The following MACROD2 variants were observed in gnomAD, a reference collection of about 807,000 sequenced individuals.
MACROD2 encodes the protein mono-ADP ribosylhydrolase 2.
Under a neutral mutation model 70.4 loss-of-function variants are expected in MACROD2, and 36 were observed. That is an observed-to-expected ratio of 0.51 (90% confidence interval 0.39 to 0.68). MACROD2 has a LOEUF of 0.68. MACROD2 is among the 30% of genes least tolerant of loss of function. The pLI is 0.00. For synonymous variants in MACROD2, 172 were observed against 178.8 expected (o/e 0.96, Z 0.30); for missense variants, 496 against 538.4 (o/e 0.92, Z 0.78).
At chr20:14,479,755 G>A (rs1201702860) in intron 3 of MACROD2, among the ~76,000 whole-genome samples, 2 of 151,822 alleles carry the variant, frequency 1.3e-5, no homozygotes, top group East Asian at 1.9e-4. Flanking sequence ...ATAGAATATC[G>A]TAATCTCTCA....
intron 5 of MACROD2, among the ~76,000 whole-genome samples, chr20:14,736,906 A>G (rs6514532): frequency 0.41 from 62,191 of 152,028 alleles, 13,998 homozygotes; most frequent in Non-Finnish European, 0.51. Context: ...TTATTAGAAG[A>G]TGTTAAGAAA....
chr20:14,312,926 A>T (rs189765730), intron 3 of MACROD2, among the ~76,000 whole-genome samples: 5 of 152,350 alleles, frequency 3.3e-5, no homozygotes, highest in African/African-American at 9.6e-5. Context: ...GAAAACACTC[A>T]TACTTGTCAT....
chr20:14,092,724 C>T (rs767639871), intron 3 of MACROD2, among the ~76,000 whole-genome samples: 2 of 152,128 alleles, frequency 1.3e-5, no homozygotes, highest in Admixed American at 1.3e-4. Flanking sequence ...TAAGATCAGA[C>T]AGATGTTGTA....
chr20:15,204,936 T>A (rs2076688918), intron 5 of MACROD2, among the ~76,000 whole-genome samples: 1 of 152,064 alleles, frequency 6.6e-6, no homozygotes, highest in East Asian at 1.9e-4. Context: ...ATCATTTGCA[T>A]GTAGGGAATA....
At chr20:14,813,670 G>A (rs748170134) in intron 5 of MACROD2, among the ~76,000 whole-genome samples, 1 of 151,974 alleles carries the variant, frequency 6.6e-6, no homozygotes. Flanking sequence ...GGGGTGTGGA[G>A]TTTCCATGCC....
At chr20:14,049,123 A>C (rs905122880) in intron 2 of MACROD2, among the ~76,000 whole-genome samples, 2 of 149,770 alleles carry the variant, frequency 1.3e-5, no homozygotes, top group Admixed American at 6.8e-5. Context: ...CCAACAATCA[A>C]CTCACCCAAA....
At chr20:15,631,850 AC>A (rs2049295819) in intron 8 of MACROD2, among the ~76,000 whole-genome samples, 1 of 152,166 alleles carries the variant, frequency 6.6e-6, no homozygotes, top group Non-Finnish European at 1.5e-5. Flanking sequence ...GATTTTGAAA[AC>A]AGTCAGCTGG....
In MACROD2 at chr20:14,629,613, G is replaced by T. The variant is rs184190273; in HGVS notation, c.302-55230G>T. 2.7e-3 allele frequency among the ~76,000 whole-genome samples: 415 copies of T among 152,268 alleles called. 7 individuals carry two copies. The highest frequency in any genetic ancestry group is 1.1e-3 in the Non-Finnish European group (73 of 68,018). On this transcript the variant is annotated intron_variant, in intron 4 of 17. Transcript: ENST00000684519. Reference sequence around the variant, plus strand: ...TAATGATTGTGAAGCTGTAGGAAAGGTGGCTTTCCCAAGTCTTGAGTGACT... The same window carrying T: ...TAATGATTGTGAAGCTGTAGGAAAGTTGGCTTTCCCAAGTCTTGAGTGACT...
At chr20:14,515,593 A>C (rs1337533987) in intron 4 of MACROD2, among the ~76,000 whole-genome samples, 1 of 152,030 alleles carries the variant, frequency 6.6e-6, no homozygotes, top group Non-Finnish European at 1.5e-5. Flanking sequence ...GCTAAATGAA[A>C]TAAGCCAGGC....
chr20:15,346,596 T>A (rs1403476907), intron 6 of MACROD2, among the ~76,000 whole-genome samples: 1 of 152,134 alleles, frequency 6.6e-6, no homozygotes, highest in Non-Finnish European at 1.5e-5. Context: ...AAGGAATGTG[T>A]GTGCCGGGGG....
intron 5 of MACROD2, among the ~76,000 whole-genome samples, chr20:14,730,756 A>G (rs1386570084): frequency 6.6e-6 from 1 of 152,132 alleles, no homozygotes; most frequent in Non-Finnish European, 1.5e-5. Flanking sequence ...CAATAATAGC[A>G]TCCGTTCATA....
intron 5 of MACROD2, among the ~76,000 whole-genome samples, chr20:15,194,702 A>G (rs1568628211): frequency 6.6e-6 from 1 of 152,296 alleles, no homozygotes; most frequent in East Asian, 1.9e-4. Flanking sequence ...CATGAAATTA[A>G]CATTGATTAA....
chr20:15,159,170 G>T (rs570938110), intron 5 of MACROD2, among the ~76,000 whole-genome samples: 1 of 151,932 alleles, frequency 6.6e-6, no homozygotes, highest in East Asian at 1.9e-4. Context: ...TTCTTTTCTA[G>T]AATCTCATTT....
Position 15,021,400 on chromosome 20 carries a change from A to G in MACROD2, c.419-208540A>G, listed in dbSNP as rs1469079515. ...CGCAGTCTTCTGTATATATACATAT[A>G]TGTGTATATGTATATGCATATAGTC... On this transcript the variant is annotated intron_variant, in intron 5 of 17. Transcript: ENST00000684519. Among the ~76,000 whole-genome samples, 3 of 148,838 alleles carry G rather than the reference A, an allele frequency of 2.0e-5. No homozygotes were observed. In the East Asian group the frequency reaches 6.1e-4, roughly 30 times the overall value.
chr20:15,210,578 T>C (rs940380912), intron 5 of MACROD2, among the ~76,000 whole-genome samples: 4 of 151,654 alleles, frequency 2.6e-5, no homozygotes, highest in Non-Finnish European at 2.9e-5. Context: ...TTGGTTTATT[T>C]TGTTTAGCTT....
intron 2 of MACROD2, among the ~76,000 whole-genome samples, chr20:14,048,019 A>G (rs939047747): frequency 6.9e-6 from 1 of 145,418 alleles, no homozygotes; most frequent in African/African-American, 2.5e-5. Context: ...TTTTTCTTTT[A>G]ATGCTGCACT....
chr20:15,615,465 A>G (rs1436415741), intron 8 of MACROD2, among the ~76,000 whole-genome samples: 1 of 152,164 alleles, frequency 6.6e-6, no homozygotes, highest in African/African-American at 2.4e-5. Flanking sequence ...GAGAGGGAGG[A>G]CACCTTCATC....
intron 8 of MACROD2, among the ~76,000 whole-genome samples, chr20:15,673,741 T>C (rs962237980): frequency 2.0e-5 from 3 of 150,870 alleles, no homozygotes; most frequent in Admixed American, 6.6e-5. Flanking sequence ...CTCAGTGTTC[T>C]AGGTATAATA....
At chr20:15,308,561 G>C (rs908048310) in intron 6 of MACROD2, among the ~76,000 whole-genome samples, 1 of 152,088 alleles carries the variant, frequency 6.6e-6, no homozygotes, top group Admixed American at 6.5e-5. Flanking sequence ...CAAACTTCCA[G>C]TGTTAAAGAT....
Sources: allele counts gnomAD v4.1 joint callset (sites outside exome capture counted in the v4.1 genomes callset), GRCh38; gene constraint gnomAD v4.1.1; transcripts MANE v1.5; gene names NCBI Gene and HGNC (gene_info 2026-07-23, HGNC 2026-07-21).